The following CYP4X1 variants were observed in gnomAD, a reference collection of about 807,000 sequenced individuals.
CYP4X1 encodes the protein cytochrome P450 family 4 subfamily X member 1.
A neutral mutation model predicts 57.9 loss-of-function variants in CYP4X1; 44 were observed. That is an observed-to-expected ratio of 0.76 (90% CI 0.60 to 0.98). CYP4X1 has a LOEUF of 0.98. Among genes scored for constraint, CYP4X1 ranks in the 50% least tolerant of loss-of-function variants. The probability of loss-of-function intolerance (pLI) is 0.00; values close to 1 mark genes in which losing one functional copy is unlikely to be tolerated. For synonymous variants in CYP4X1, 227 were observed against 228.6 expected, an observed-to-expected ratio of 0.99 and a Z score of 0.06; for missense variants, 532 against 623.9, an observed-to-expected ratio of 0.85 and a Z score of 1.57.
chr1:47,014,202 T>C, the CYP4X1 span, among the ~76,000 whole-genome samples: 1 of 152,208 alleles, frequency 6.6e-6, no homozygotes, highest in African/African-American at 2.4e-5. Context: ...TGACTGGAAA[T>C]ATTTAATGGG....
chr1:47,016,762 G>T, the CYP4X1 span, among the ~76,000 whole-genome samples: 3 of 152,152 alleles, frequency 2.0e-5, no homozygotes, highest in Admixed American at 2.0e-4. Flanking sequence ...ATACCCTTTT[G>T]TTATTTTTTA....
chr1:46,970,642 TAA>T, the CYP4X1 span, among the ~76,000 whole-genome samples: 1 of 152,180 alleles, frequency 6.6e-6, no homozygotes, highest in Non-Finnish European at 1.5e-5. Context: ...GCAACAGTGG[TAA>T]AAGAGAAATG....
the CYP4X1 span, among the ~76,000 whole-genome samples, chr1:46,979,107 G>T: frequency 6.6e-6 from 1 of 151,944 alleles, no homozygotes; most frequent in African/African-American, 2.4e-5. Context: ...CTAGCAGAAG[G>T]CAAGAAATAA....
At chr1:46,994,133 T>G in the CYP4X1 span, among the ~76,000 whole-genome samples, 60 of 152,336 alleles carry the variant, frequency 3.9e-4, no homozygotes, top group Admixed American at 3.7e-3. Flanking sequence ...GGATCCAGTT[T>G]CAGCTTTCTA....
intron 3 of CYP4X1, 99 bp downstream of exon 3, chr1:47,031,579 CAA>C: frequency 1.5e-6 from 2 of 1,347,952 alleles, no homozygotes; most frequent in Non-Finnish European, 2.1e-6. Flanking sequence ...TTCAAAAGCA[CAA>C]AGAGTGCAAG....
Position 47,048,553 on chromosome 1 carries a change from C to T in CYP4X1, c.1208-12C>T, listed in dbSNP as rs757150781. 2 of 1,614,048 alleles carry T rather than the reference C, an allele frequency of 1.2e-6. No individual in the cohort carries two copies. The highest frequency in any genetic ancestry group is 2.2e-5 in the South Asian group (2 of 91,082). ...TTCTCCTGCAGTCTCTTTTATTTCC[C>T]TCCTTTCTTAGGGATCACCGTGGTT... On this transcript the variant is annotated splice_polypyrimidine_tract_variant and intron_variant, in intron 9 of 11. Coordinates refer to ENST00000371901, the MANE Select transcript of CYP4X1 (RefSeq NM_178033.2).
At chr1:47,020,774 G>A (rs1356206654), upstream of CYP4X1, among the ~76,000 whole-genome samples, 3 of 152,174 alleles carry the variant, frequency 2.0e-5, no homozygotes, top group African/African-American at 7.2e-5. Context: ...TTATTATTAA[G>A]TAATAATAGA....
chr1:47,003,751 C>G, the CYP4X1 span, among the ~76,000 whole-genome samples: 1 of 152,104 alleles, frequency 6.6e-6, no homozygotes, highest in Non-Finnish European at 1.5e-5. Context: ...GGATCTGCCC[C>G]CATAACCCAA....
chr1:47,032,694 CAG>C (rs994736627), intron 3 of CYP4X1, among the ~76,000 whole-genome samples: 4 of 152,110 alleles, frequency 2.6e-5, no homozygotes, highest in Non-Finnish European at 4.4e-5. Flanking sequence ...GAGGAAATAT[CAG>C]GGGACAGAGT....
chr1:47,036,949 A>G (rs534753011), intron 6 of CYP4X1, among the ~76,000 whole-genome samples: 1 of 152,322 alleles, frequency 6.6e-6, no homozygotes, highest in African/African-American at 2.4e-5. Context: ...ATGCACACTT[A>G]CACATACATA....
the CYP4X1 span, among the ~76,000 whole-genome samples, chr1:46,962,099 C>A: frequency 2.0e-5 from 3 of 152,064 alleles, no homozygotes; most frequent in Admixed American, 1.3e-4. Flanking sequence ...TATGAGCTTT[C>A]TTTTTTCTGT....
At chr1:47,015,825 C>A in the CYP4X1 span, among the ~76,000 whole-genome samples, 2 of 152,070 alleles carry the variant, frequency 1.3e-5, no homozygotes, top group Non-Finnish European at 2.9e-5. Flanking sequence ...CTATTCAATG[C>A]CCCATTCATC....
the CYP4X1 span, among the ~76,000 whole-genome samples, chr1:46,998,886 T>C: frequency 6.6e-6 from 1 of 152,160 alleles, no homozygotes; most frequent in African/African-American, 2.4e-5. Context: ...TGTATAGGTA[T>C]GTGGCTTTAT....
chr1:47,046,903 G>T (rs1326195306), intron 9 of CYP4X1, among the ~76,000 whole-genome samples: 1 of 152,112 alleles, frequency 6.6e-6, no homozygotes, highest in Non-Finnish European at 1.5e-5. Context: ...TCTTTGTTTG[G>T]CTGAGTTTGA....
At chr1:46,975,130 T>C in the CYP4X1 span, among the ~76,000 whole-genome samples, 3 of 152,244 alleles carry the variant, frequency 2.0e-5, no homozygotes, top group Non-Finnish European at 4.4e-5. Flanking sequence ...GCAGTCATCC[T>C]CTTATGCTCT....
chr1:47,011,172 A>G, the CYP4X1 span, among the ~76,000 whole-genome samples: 2 of 152,244 alleles, frequency 1.3e-5, no homozygotes, highest in Non-Finnish European at 2.9e-5. Flanking sequence ...ACAAGGCTAC[A>G]GTAACCAAAA....
At chr1:47,038,962 A>G (rs922063895) in intron 7 of CYP4X1, among the ~76,000 whole-genome samples, 196 bp downstream of exon 7, 1 of 152,214 alleles carries the variant, frequency 6.6e-6, no homozygotes, top group African/African-American at 2.4e-5. Context: ...GAGGGTTAGT[A>G]AAGACTAAAC....
chr1:47,043,985 T>C (rs1361218581), intron 8 of CYP4X1, among the ~76,000 whole-genome samples: 1 of 152,200 alleles, frequency 6.6e-6, no homozygotes, highest in Non-Finnish European at 1.5e-5. Flanking sequence ...ATGTGTGTTC[T>C]TAAAGATGAA....
intron 11 of CYP4X1, among the ~76,000 whole-genome samples, chr1:47,049,741 AG>A (rs1644341399): frequency 6.6e-6 from 1 of 152,184 alleles, no homozygotes; most frequent in Admixed American, 6.5e-5. Context: ...GGCTCAATGC[AG>A]TCCACCTTCA....
Sources: gnomAD v4.1 joint callset for allele counts (sites outside exome capture counted in the v4.1 genomes callset) on GRCh38, gnomAD v4.1.1 for gene constraint, MANE v1.5 for transcripts, NCBI Gene and HGNC (gene_info 2026-07-23, HGNC 2026-07-21) for gene names.